Variants in SRGAP1 observed in about 807,000 individuals in gnomAD.
The protein encoded by SRGAP1 is SLIT-ROBO Rho GTPase activating protein 1.
Under a neutral mutation model 121.9 loss-of-function variants are expected in SRGAP1, and 43 were observed. The observed-to-expected ratio is 0.35, with a 90% CI of 0.28 to 0.46. The LOEUF is 0.46. Among genes scored for constraint, SRGAP1 ranks in the 20% least tolerant of loss-of-function variants. The pLI, the probability that SRGAP1 is intolerant of heterozygous loss-of-function variation, is 1.00. For missense variants in SRGAP1, 1,102 were observed against 1,350.9 expected, an observed-to-expected ratio of 0.82 and a Z score of 2.89; for synonymous variants, 447 against 485.4, an observed-to-expected ratio of 0.92 and a Z score of 1.04.
chr12:63,913,685 C>G (rs560501414), intron 1 of SRGAP1, among the ~76,000 whole-genome samples: 3 of 151,702 alleles, frequency 2.0e-5, no homozygotes, highest in Admixed American at 6.6e-5. Flanking sequence ...ATTAGCATCT[C>G]TAATATTTTA....
intron 20 of SRGAP1, 45 bp downstream of exon 20, chr12:64,127,769 TG>T: frequency 6.2e-7 from 1 of 1,607,862 alleles, no homozygotes; most frequent in Non-Finnish European, 8.5e-7. Context: ...CCGCTCCTCC[TG>T]GGGCCATGAG....
chr12:64,082,025 A>ATTTTTTATTT (rs1232526629), intron 10 of SRGAP1: 1 of 24,326 alleles, frequency 4.1e-5, no homozygotes, highest in African/African-American at 1.4e-4. Flanking sequence ...TTTTTTTTCA[A>ATTTTTTATTT]TTTTTCACAA....
chr12:63,868,263 A>C (rs2136274331), intron 1 of SRGAP1, among the ~76,000 whole-genome samples: 1 of 151,174 alleles, frequency 6.6e-6, no homozygotes, highest in East Asian at 1.9e-4. Flanking sequence ...TTGTATTTTT[A>C]GTAGAGATGG....
In SRGAP1 at chr12:64,111,896, C is replaced by A. The variant is rs1310209885; in HGVS notation, c.2054C>A (p.Thr685Asn). 6.2e-7 allele frequency: 1 copy of A among 1,613,994 alleles called. No individual in the cohort carries two copies. Among genetic ancestry groups the A allele is most frequent in the South Asian group, 1.1e-5 (1 of 91,060 alleles). The part of the protein sequence containing the change: ...CQAHVNEIIK[T>N]IIIHHETIFP... ...GCACATGTGAATGAAATTATCAAAA[C>A]CATCATCATCCACCATGAGACTATT... Residue 685 changes from threonine to asparagine, a missense_variant, in exon 17 of 22, where the codon ACC (threonine) becomes AAC (asparagine). Coordinates refer to ENST00000355086, the MANE Select transcript of SRGAP1 (RefSeq NM_020762.4).
At chr12:64,015,849 A>C (rs1011748933) in intron 3 of SRGAP1, among the ~76,000 whole-genome samples, 1 of 152,230 alleles carries the variant, frequency 6.6e-6, no homozygotes, top group Non-Finnish European at 1.5e-5. Context: ...CTGTAGATTA[A>C]GCTATGCTAC....
chr12:64,074,925 T>C (rs2035706885), intron 8 of SRGAP1, among the ~76,000 whole-genome samples: 1 of 152,246 alleles, frequency 6.6e-6, no homozygotes, highest in African/African-American at 2.4e-5. Flanking sequence ...AGAAATACTA[T>C]ATTTTTCTCA....
At chr12:63,894,122 AGCCACTAC>A (rs1398417270) in intron 1 of SRGAP1, among the ~76,000 whole-genome samples, 1 of 152,254 alleles carries the variant, frequency 6.6e-6, no homozygotes, top group Admixed American at 6.5e-5. Context: ...TACAGGCGTG[AGCCACTAC>A]GCCCGGTGCC....
intron 18 of SRGAP1, among the ~76,000 whole-genome samples, chr12:64,121,357 T>G (rs921242678): frequency 6.6e-6 from 1 of 152,192 alleles, no homozygotes; most frequent in East Asian, 1.9e-4. Context: ...TGAACTTAAT[T>G]TACAAGACAT....
chr12:64,048,060 T>C (rs2035169777), intron 6 of SRGAP1, among the ~76,000 whole-genome samples: 1 of 152,178 alleles, frequency 6.6e-6, no homozygotes, highest in Admixed American at 6.5e-5. Context: ...TAGTAATTTA[T>C]TGTACACTTA....
At chr12:64,033,826 C>G (rs1031257333) in intron 4 of SRGAP1, among the ~76,000 whole-genome samples, 1 of 152,070 alleles carries the variant, frequency 6.6e-6, no homozygotes, top group African/African-American at 2.4e-5. Context: ...TCAAGACCAG[C>G]CTGACCAAGA....
At chr12:63,886,523 C>T (rs1900389113) in intron 1 of SRGAP1, among the ~76,000 whole-genome samples, 1 of 149,158 alleles carries the variant, frequency 6.7e-6, no homozygotes, top group African/African-American at 2.6e-5. Context: ...ACCTTGTCGT[C>T]CAGGCTGGAG....
intron 1 of SRGAP1, among the ~76,000 whole-genome samples, chr12:63,950,792 G>GAGATGTGTTGGAA (rs2032262142): frequency 6.6e-6 from 1 of 152,010 alleles, no homozygotes; most frequent in Non-Finnish European, 1.5e-5. Context: ...AGCCTTGCCT[G>GAGATGTGTTGGAA]GCATTGATCA....
intron 8 of SRGAP1, among the ~76,000 whole-genome samples, chr12:64,077,541 G>A (rs904394451): frequency 4.6e-5 from 7 of 150,604 alleles, no homozygotes; most frequent in African/African-American, 1.7e-4. Context: ...ATGAAGTTAA[G>A]GTGTTCTAAA....
intron 16 of SRGAP1, among the ~76,000 whole-genome samples, chr12:64,110,015 A>C (rs1009796829): frequency 6.6e-6 from 1 of 152,172 alleles, no homozygotes; most frequent in Non-Finnish European, 1.5e-5. Flanking sequence ...CACAAACGAC[A>C]GTAGCAACCC....
intron 1 of SRGAP1, among the ~76,000 whole-genome samples, chr12:63,909,297 C>A (rs1260112411): frequency 6.6e-6 from 1 of 152,172 alleles, no homozygotes; most frequent in Non-Finnish European, 1.5e-5. Context: ...AATTTGGGCC[C>A]CTTGCTCCAG....
chr12:63,907,934 T>G (rs146287576), intron 1 of SRGAP1, among the ~76,000 whole-genome samples: 1 of 152,232 alleles, frequency 6.6e-6, no homozygotes. Flanking sequence ...TATCCAGTTG[T>G]GCAGCACCAT....
At chr12:64,138,341 T>C (rs2136650307) in intron 21 of SRGAP1, among the ~76,000 whole-genome samples, 1 of 152,266 alleles carries the variant, frequency 6.6e-6, no homozygotes, top group Non-Finnish European at 1.5e-5. Flanking sequence ...TTTTTTTGTA[T>C]GTATATACCA....
intron 1 of SRGAP1, among the ~76,000 whole-genome samples, chr12:63,855,480 T>G (rs937964297): frequency 3.5e-5 from 4 of 113,340 alleles, no homozygotes; most frequent in South Asian, 3.3e-4. Context: ...GGTGTTTTTT[T>G]TTTTTTTTTT....
chr12:63,884,716 ATTCT>A (rs1157106448), intron 1 of SRGAP1, among the ~76,000 whole-genome samples: 2 of 135,840 alleles, frequency 1.5e-5, no homozygotes, highest in Non-Finnish European at 3.2e-5. Flanking sequence ...GGTCACCACC[ATTCT>A]TTTTTTTTTT....
Sources: allele counts gnomAD v4.1 joint callset (sites outside exome capture counted in the v4.1 genomes callset), GRCh38; gene constraint gnomAD v4.1.1; transcripts MANE v1.5; gene names NCBI Gene and HGNC (gene_info 2026-07-23, HGNC 2026-07-21).